MMP26: variants seen among roughly 807,000 people sequenced by gnomAD.
The protein encoded by MMP26 is matrix metallopeptidase 26.
In MMP26, 33 loss-of-function variants were observed where a neutral mutation model predicts 31.0. The observed-to-expected ratio is 1.06, with a 90% confidence interval of 0.81 to 1.42. The LOEUF (loss-of-function observed/expected upper bound fraction) is 1.42, where lower values mean the gene tolerates loss of function less well. Ranked by LOEUF, MMP26 falls within the 40% of genes most tolerant of loss-of-function variation. MMP26 has a pLI of 0.00. For missense variants in MMP26, 347 were observed against 316.1 expected (o/e 1.10, Z -0.74); for synonymous variants, 122 against 114.9 (o/e 1.06, Z -0.40).
At position 4,804,013 on chromosome 11, in the gene MMP26, A is replaced by G. The variant is rs2133454555; in HGVS notation, c.-145+36672A>G. The G allele has an allele frequency of 2.5e-6, 4 of 1,613,964 alleles. No individual in the cohort carries two copies. In the East Asian group the frequency reaches 6.7e-5, roughly 27 times the overall value. On this transcript the variant is annotated intron_variant, in intron 2 of 7. Coordinates refer to ENST00000380390, the MANE Select transcript of MMP26 (RefSeq NM_021801.5). Reference sequence around the variant, plus strand: ...GAAGCAGATAGCCACGTAGCAGTCCAGGGCCATAGCCATGAGCACCCCAGA... The same window carrying G: ...GAAGCAGATAGCCACGTAGCAGTCCGGGGCCATAGCCATGAGCACCCCAGA...
At chr11:4,930,978 A>T (rs1036264081) in intron 2 of MMP26, among the ~76,000 whole-genome samples, 2 of 152,066 alleles carry the variant, frequency 1.3e-5, no homozygotes, top group African/African-American at 4.8e-5. Context: ...CTAAGTATAG[A>T]TACAACTAAA....
chr11:4,869,567 A>G (rs1375552641), intron 2 of MMP26, among the ~76,000 whole-genome samples: 1 of 152,182 alleles, frequency 6.6e-6, no homozygotes, highest in Non-Finnish European at 1.5e-5. Context: ...GTCAGGAAAC[A>G]ACAGGTGCTG....
At chr11:4,826,844 C>T (rs1026425592) in intron 2 of MMP26, among the ~76,000 whole-genome samples, 4 of 152,050 alleles carry the variant, frequency 2.6e-5, no homozygotes, top group Admixed American at 2.0e-4. Context: ...TACAGGGCCA[C>T]CTCTGAAGCC....
chr11:4,834,425 C>T (rs1849688834), intron 2 of MMP26, among the ~76,000 whole-genome samples: 2 of 152,132 alleles, frequency 1.3e-5, no homozygotes, highest in Non-Finnish European at 2.9e-5. Context: ...AAAGGGTCAG[C>T]AAGGAAACTT....
At chr11:4,925,218 G>T (rs1851253186) in intron 2 of MMP26, among the ~76,000 whole-genome samples, 5 of 152,152 alleles carry the variant, frequency 3.3e-5, no homozygotes, top group Admixed American at 3.3e-4. Context: ...GCAAGTAAGT[G>T]TTGGGGATGA....
intron 2 of MMP26, among the ~76,000 whole-genome samples, chr11:4,856,930 G>A (rs1215469092): frequency 9.2e-5 from 14 of 152,024 alleles, no homozygotes; most frequent in Admixed American, 3.3e-4. Context: ...ACTCAAAACC[G>A]CACAACTACA....
intron 2 of MMP26, among the ~76,000 whole-genome samples, chr11:4,805,203 T>A (rs1270522996): frequency 6.6e-6 from 1 of 152,222 alleles, no homozygotes; most frequent in Non-Finnish European, 1.5e-5. Flanking sequence ...TATGTATTGC[T>A]TTGAAGTTAG....
chr11:4,966,495 C>A (rs1846597073), intron 2 of MMP26, among the ~76,000 whole-genome samples: 1 of 152,076 alleles, frequency 6.6e-6, no homozygotes, highest in East Asian at 1.9e-4. Flanking sequence ...ACTGATTTAG[C>A]AAGATTCTTG....
intron 2 of MMP26, among the ~76,000 whole-genome samples, chr11:4,768,805 G>T (rs1427022342): frequency 6.6e-6 from 1 of 151,998 alleles, no homozygotes; most frequent in Non-Finnish European, 1.5e-5. Flanking sequence ...CAAATGTCTT[G>T]GGTGATATAT....
chr11:4,749,247 T>C (rs1723014509), intron 1 of MMP26, among the ~76,000 whole-genome samples: 1 of 151,870 alleles, frequency 6.6e-6, no homozygotes, highest in Non-Finnish European at 1.5e-5. Context: ...AAAGATCTCT[T>C]CAAGGAAAAC....
At chr11:4,855,443 G>A (rs964483742) in intron 2 of MMP26, among the ~76,000 whole-genome samples, 7 of 152,138 alleles carry the variant, frequency 4.6e-5, no homozygotes, top group Admixed American at 4.6e-4. Flanking sequence ...TTCAGTAGAC[G>A]ATTCGATCAA....
chr11:4,897,562 A>T (rs962983051), intron 2 of MMP26, among the ~76,000 whole-genome samples: 2 of 151,988 alleles, frequency 1.3e-5, no homozygotes, highest in Admixed American at 1.3e-4. Context: ...TTTCTTTGTT[A>T]TAGCTTTCTC....
At chr11:4,792,813 A>G (rs531343422) in intron 2 of MMP26, among the ~76,000 whole-genome samples, 50 of 152,312 alleles carry the variant, frequency 3.3e-4, no homozygotes, top group Middle Eastern at 3.4e-3. Flanking sequence ...AGAGAAAAGA[A>G]GAAGGAGCGG....
rs529194285 is a variant in MMP26, at chr11:4,910,237, T to C, written c.-144-77831T>C. ...TCTTTCATCTTCAAAGCCAGGAACATTGCATCTTCCTGTGACTTTATTCTA... is the reference window on the plus strand; with the variant it reads ...TCTTTCATCTTCAAAGCCAGGAACACTGCATCTTCCTGTGACTTTATTCTA... On this transcript the variant is annotated intron_variant, in intron 2 of 7. Transcript: ENST00000380390. Among the ~76,000 whole-genome samples, 10 of 152,148 alleles carry C rather than the reference T, an allele frequency of 6.6e-5. No homozygotes were observed. The South Asian group carries it at 1.9e-3, about 28-fold the overall frequency.
At chr11:4,786,537 T>C (rs1249976104) in intron 2 of MMP26, among the ~76,000 whole-genome samples, 1 of 126,692 alleles carries the variant, frequency 7.9e-6, no homozygotes, top group Non-Finnish European at 1.6e-5. Flanking sequence ...AAAACTGTTG[T>C]GAGATAGGAT....
intron 2 of MMP26, among the ~76,000 whole-genome samples, chr11:4,820,136 GA>G (rs755013148): frequency 1.1e-4 from 17 of 152,152 alleles, no homozygotes; most frequent in Non-Finnish European, 2.1e-4. Flanking sequence ...GACTGGTTTA[GA>G]AATTCCTTTT....
intron 2 of MMP26, among the ~76,000 whole-genome samples, chr11:4,925,926 G>A (rs1851266100): frequency 6.6e-6 from 1 of 152,120 alleles, no homozygotes; most frequent in African/African-American, 2.4e-5. Context: ...AGTGGGTGAG[G>A]AGGATTAAGT....
chr11:4,930,103 C>T (rs950547046), intron 2 of MMP26, among the ~76,000 whole-genome samples: 5 of 151,996 alleles, frequency 3.3e-5, no homozygotes, highest in Non-Finnish European at 5.9e-5. Flanking sequence ...CAAATTAGGA[C>T]ATTTTGTGGC....
chr11:4,812,675 T>G (rs560957803), intron 2 of MMP26, among the ~76,000 whole-genome samples: 19 of 152,218 alleles, frequency 1.2e-4, no homozygotes, highest in Non-Finnish European at 2.8e-4. Flanking sequence ...TGACATAAGA[T>G]ACGCATAGAG....
Sources: allele counts gnomAD v4.1 joint callset (sites outside exome capture counted in the v4.1 genomes callset), GRCh38; gene constraint gnomAD v4.1.1; transcripts MANE v1.5; gene names NCBI Gene and HGNC (gene_info 2026-07-23, HGNC 2026-07-21).